Variants in STIL observed in about 807,000 individuals in gnomAD.
The protein encoded by STIL is STIL centriolar assembly protein.
STIL carries 55 observed loss-of-function variants against 110.1 expected under a neutral mutation model. The ratio of observed to expected loss-of-function variants is 0.50; its 90% CI spans 0.40 to 0.63. STIL has a LOEUF of 0.63. Ranked by LOEUF, STIL falls within the 20% of genes least tolerant of loss-of-function variation. The probability of loss-of-function intolerance (pLI) is 0.00; values close to 1 mark genes in which losing one functional copy is unlikely to be tolerated. For synonymous variants in STIL, 481 were observed against 530.0 expected (o/e 0.91, Z 1.27); for missense variants, 1,358 against 1,530.0 (o/e 0.89, Z 1.87).
chr1:47,302,021 T>C (rs1645818509), intron 4 of STIL, among the ~76,000 whole-genome samples: 1 of 152,166 alleles, frequency 6.6e-6, no homozygotes. Flanking sequence ...CAAAGAAAAT[T>C]AGCGCAAAGC....
intron 1 of STIL, among the ~76,000 whole-genome samples, chr1:47,312,666 G>T (rs932584499): frequency 1.3e-5 from 2 of 152,126 alleles, no homozygotes; most frequent in Non-Finnish European, 2.9e-5. Flanking sequence ...CTTAAAATGC[G>T]CTATTTGTGT....
Position 47,292,768 on chromosome 1 carries a change from T to C in STIL, c.872+690A>G, listed in dbSNP as rs1283432442. ...CCTCTGAGAATGGGGTCTAGGGAAA[T>C]GGGGAGGAAGAGAGATCTACTTTTA... On this transcript the variant is annotated intron_variant, in intron 8 of 16. Coordinates refer to ENST00000371877, the MANE Select transcript of STIL (RefSeq NM_001048166.1). 3.3e-5 allele frequency among the ~76,000 whole-genome samples: 5 copies of C among 152,300 alleles called. No homozygotes were observed. The East Asian group carries it at 9.6e-4, about 29-fold the overall frequency.
chr1:47,283,463 C>T (rs1431800001), intron 10 of STIL: 1 of 152,224 alleles, frequency 6.6e-6, no homozygotes, highest in Non-Finnish European at 1.5e-5. Flanking sequence ...TTCCAAAGCG[C>T]TCAGTGCAGC....
intron 1 of STIL, among the ~76,000 whole-genome samples, chr1:47,310,654 G>C (rs373958219): frequency 6.6e-6 from 1 of 152,056 alleles, no homozygotes; most frequent in Non-Finnish European, 1.5e-5. Context: ...TAGTGAGCTC[G>C]GTAAGGCAGG....
intron 5 of STIL, among the ~76,000 whole-genome samples, chr1:47,300,725 G>A (rs1645780571): frequency 6.6e-6 from 1 of 152,198 alleles, no homozygotes; most frequent in African/African-American, 2.4e-5. Context: ...GCCTCTCAAA[G>A]TGCTGGGATT....
At chr1:47,287,694 C>G in intron 9 of STIL, 34 bp from the exon 10 acceptor site, 1 of 1,511,468 alleles carries the variant, frequency 6.6e-7, no homozygotes, top group Non-Finnish European at 9.2e-7. Context: ...TGAGATCTGA[C>G]TTAAATAAGA....
Position 47,264,924 on chromosome 1 carries a change from T to G in STIL, c.2616-1808A>C, listed in dbSNP as rs576591012. Among the ~76,000 whole-genome samples, 8 of 77,032 alleles carry G rather than the reference T, an allele frequency of 1.0e-4. No individual in the cohort carries two copies. In the Admixed American group the frequency reaches 1.1e-3, roughly 11 times the overall value. 50.5% of individuals were successfully genotyped at this position (77,032 alleles called of 152,430 possible). ...CTATCAATTAACTCAGATCTGTTTC[T>G]AAAGTTAAAAAAAAAAAAAAAAAGC... On this transcript the variant is annotated intron_variant, in intron 14 of 16. Coordinates refer to ENST00000371877, the MANE Select transcript of STIL (RefSeq NM_001048166.1).
intron 14 of STIL, among the ~76,000 whole-genome samples, chr1:47,268,634 T>C (rs1205150629): frequency 6.6e-6 from 1 of 151,954 alleles, no homozygotes; most frequent in Non-Finnish European, 1.5e-5. Flanking sequence ...GGCAGGTGTC[T>C]GTAATCCCAG....
chr1:47,258,992 C>CTTTTTTTTTTTTTTTTTTTTTTT lies in STIL; in HGVS notation c.3080+1296_3080+1297insAAAAAAAAAAAAAAAAAAAAAAA, dbSNP rs549227243. ...GAAATGGTTAAGAGAAGTAACTTTG[C>CTTTTTTTTTTTTTTTTTTTTTTT]TTTTTTTTTTTTTTGAGACAGTCTT... On this transcript the variant is annotated intron_variant, in intron 16 of 16. Coordinates refer to ENST00000371877, the MANE Select transcript of STIL (RefSeq NM_001048166.1). 6.4e-5 allele frequency among the ~76,000 whole-genome samples: 6 copies of CTTTTTTTTTTTTTTTTTTTTTTT among 94,402 alleles called. 1 individual carries two copies. Among genetic ancestry groups the CTTTTTTTTTTTTTTTTTTTTTTT allele is most frequent in the African/African-American group, 2.3e-4 (5 of 21,756 alleles). The allele number at this position is 94,402 out of a possible 152,430, so 61.9% of individuals were successfully genotyped here.
chr1:47,261,489 C>T (rs1054610564), intron 15 of STIL, among the ~76,000 whole-genome samples: 2 of 151,804 alleles, frequency 1.3e-5, no homozygotes, highest in East Asian at 1.9e-4. Flanking sequence ...CCTGTAATCC[C>T]AGCACTTTGG....
intron 14 of STIL, among the ~76,000 whole-genome samples, chr1:47,268,204 T>C (rs1384445757): frequency 6.6e-6 from 1 of 152,118 alleles, no homozygotes; most frequent in Non-Finnish European, 1.5e-5. Flanking sequence ...CCCAGCACTT[T>C]GGAAGGCTGA....
rs1353531423 is a variant in STIL, at chr1:47,261,761, AAT to A, written c.2829+1140_2829+1141del. Among the ~76,000 whole-genome samples the A allele has an allele frequency of 7.3e-5, 11 of 150,670 alleles. 1 individual carries two copies. The highest frequency in any genetic ancestry group is 3.2e-3 in the Middle Eastern group (1 of 314). ...ACTCTGTCTCAAAAAAAAAAAAAAA[AAT>A]TAGCCAGGCATGGTGGCAGGTGCCT... On this transcript the variant is annotated intron_variant, in intron 15 of 16. Transcript: ENST00000371877.
At chr1:47,254,059 T>C (rs772914319) in intron 16 of STIL, among the ~76,000 whole-genome samples, 17 of 151,802 alleles carry the variant, frequency 1.1e-4, no homozygotes, top group Non-Finnish European at 1.6e-4. Context: ...CGGGTGCCTG[T>C]AATCCCAGCT....
chr1:47,262,735 A>C (rs559383188), intron 15 of STIL, among the ~76,000 whole-genome samples, 168 bp downstream of exon 15: 1 of 152,324 alleles, frequency 6.6e-6, no homozygotes, highest in Non-Finnish European at 1.5e-5. Context: ...AAATTAGTGA[A>C]TTTAAGTTAT....
intron 1 of STIL, among the ~76,000 whole-genome samples, chr1:47,310,653 C>T (rs1296721128): frequency 6.6e-6 from 1 of 151,990 alleles, no homozygotes; most frequent in Non-Finnish European, 1.5e-5. Context: ...TTAGTGAGCT[C>T]GGTAAGGCAG....
chr1:47,280,129 C>T (rs1645115355), intron 12 of STIL, 112 bp downstream of exon 12: 1 of 1,440,042 alleles, frequency 6.9e-7, no homozygotes, highest in Non-Finnish European at 9.6e-7. Flanking sequence ...AAGGTCCCTC[C>T]TAATTCTGAC....
chr1:47,293,575 T>C (rs780432290), intron 7 of STIL, 31 bp from the exon 8 acceptor site: 10 of 1,548,514 alleles, frequency 6.5e-6, no homozygotes, highest in South Asian at 4.5e-5. Context: ...TTAAAAACCA[T>C]AGTCACTTAC....
chr1:47,292,732 T>C (rs1645531513), intron 8 of STIL, among the ~76,000 whole-genome samples: 1 of 152,234 alleles, frequency 6.6e-6, no homozygotes, highest in South Asian at 2.1e-4. Context: ...GATATCACTT[T>C]ACAGTGATTG....
intron 3 of STIL, among the ~76,000 whole-genome samples, chr1:47,304,042 A>G (rs1192359943): frequency 6.6e-6 from 1 of 152,116 alleles, no homozygotes; most frequent in African/African-American, 2.4e-5. Context: ...TATTATAGTC[A>G]TTTTATAAAT....
Sources: gnomAD v4.1 joint callset for allele counts (sites outside exome capture counted in the v4.1 genomes callset) on GRCh38, gnomAD v4.1.1 for gene constraint, MANE v1.5 for transcripts, NCBI Gene and HGNC (gene_info 2026-07-23, HGNC 2026-07-21) for gene names.